ZNF37A: variants seen among roughly 807,000 people sequenced by gnomAD.
ZNF37A encodes the protein zinc finger protein 37a (KOX 21).
A neutral mutation model predicts 12.3 loss-of-function variants in ZNF37A; 10 were observed. The ratio of observed to expected loss-of-function variants is 0.82; its 90% CI spans 0.50 to 1.38. The LOEUF is 1.38. Among genes scored for constraint, ZNF37A ranks in the 40% most tolerant of loss-of-function variants. The pLI is 0.00. For synonymous variants in ZNF37A, 207 were observed against 223.0 expected, an observed-to-expected ratio of 0.93 and a Z score of 0.64; for missense variants, 580 against 651.2, an observed-to-expected ratio of 0.89 and a Z score of 1.19.
In ZNF37A at chr10:38,117,492, A is replaced by C. The variant is rs751489430; in HGVS notation, c.341A>C (p.Glu114Ala). ...GAAAAGCATGAAATAATTCATTCTG[A>C]AGAGGAACCTTCTGAATATAATAAA... ...CDEKHEIIHS[E>A]EEPSEYNKNG... The change falls in exon 8 of 8, where the codon GAA becomes GCA. Residue 114 changes from glutamate to alanine, a missense_variant. By Grantham distance (107) the Glu-to-Ala change is moderately radical (BLOSUM62 -1). Coordinates refer to ENST00000685332, the MANE Select transcript of ZNF37A (RefSeq NM_001324250.3). 4.3e-6 allele frequency: 7 copies of C among 1,613,018 alleles called. No homozygotes were observed. The highest frequency in any genetic ancestry group is 5.9e-6 in the Non-Finnish European group (7 of 1,179,764).
At chr10:38,142,788 C>T (rs2070201684) in intron 7 of ZNF37A, 2 of 152,188 alleles carry the variant, frequency 1.3e-5, no homozygotes, top group South Asian at 4.1e-4. Flanking sequence ...TGTCCACATT[C>T]TGCCATGTGA....
chr10:38,117,356 G>A lies in ZNF37A; in HGVS notation c.239-34G>A, dbSNP rs16905735. The stretch of plus-strand genomic sequence containing the variant: ...AAGTTTATTTCTCTTACATATCCTC[G>A]TCAACTAACCTTTCTTTTCACTCTG... On this transcript the variant is annotated intron_variant, in intron 7 of 7. Transcript: ENST00000685332. 2.5e-3 allele frequency: 3,813 copies of A among 1,531,776 alleles called. 79 individuals carry two copies. In the African/African-American group the frequency reaches 0.045, roughly 18 times the overall value. The allele number at this position is 1,531,776 out of a possible 1,614,324, so 94.9% of individuals were successfully genotyped here.
downstream of ZNF37A, among the ~76,000 whole-genome samples, chr10:38,128,108 G>T (rs2136072908): frequency 1.3e-5 from 2 of 152,142 alleles, no homozygotes; most frequent in South Asian, 4.2e-4. Flanking sequence ...ATTTGCTGTT[G>T]GAAACAAACT....
chr10:38,127,430 TAAAC>T (rs1452241429), downstream of ZNF37A, among the ~76,000 whole-genome samples: 2 of 152,226 alleles, frequency 1.3e-5, no homozygotes, highest in African/African-American at 4.8e-5. Context: ...TGAAAAATAG[TAAAC>T]AAAGGATGTA....
Position 38,121,583 on chromosome 10 carries a change from C to T in ZNF37A, c.*2746C>T, listed in dbSNP as rs2069701101. The stretch of plus-strand genomic sequence containing the variant: ...CAGCATTGTTGAGAGATTGGTAACA[C>T]TGAGCAAATAAATATGTTGAGAATG... On this transcript the variant is annotated 3_prime_UTR_variant, in exon 8 of 8. Coordinates refer to ENST00000685332, the MANE Select transcript of ZNF37A (RefSeq NM_001324250.3). The T allele has an allele frequency of 6.6e-6, 1 of 152,222 alleles. No individual in the cohort carries two copies. Among genetic ancestry groups the T allele is most frequent in the Non-Finnish European group, 1.5e-5 (1 of 68,040 alleles). 9.4% of individuals were successfully genotyped at this position (152,222 alleles called of 1,614,324 possible). A position where few individuals can be genotyped will look rare whatever the true frequency, so the allele number is the denominator to read the frequency against.
chr10:38,095,316 C>T (rs1486513825), intron 2 of ZNF37A, 92 bp downstream of exon 2: 1 of 152,348 alleles, frequency 6.6e-6, no homozygotes, highest in Non-Finnish European at 1.5e-5. Context: ...AGATCTAGAG[C>T]ACGGGTGGGA....
At chr10:38,128,865 T>C (rs2069967300), downstream of ZNF37A, among the ~76,000 whole-genome samples, 1 of 152,200 alleles carries the variant, frequency 6.6e-6, no homozygotes, top group Non-Finnish European at 1.5e-5. Context: ...GCGATTCTCC[T>C]GCCTCAGCCT....
chr10:38,115,962 T>A (rs1167728954), intron 7 of ZNF37A, among the ~76,000 whole-genome samples: 3 of 152,000 alleles, frequency 2.0e-5, no homozygotes, highest in Admixed American at 2.0e-4. Flanking sequence ...TGATCTCAGC[T>A]ACTGGGGAGC....
chr10:38,145,628 G>A (rs2070243051), intron 7 of ZNF37A, among the ~76,000 whole-genome samples: 1 of 152,140 alleles, frequency 6.6e-6, no homozygotes, highest in Admixed American at 6.5e-5. Context: ...TGGTTCATGG[G>A]TCACTGCGCA....
At chr10:38,111,160 AGGAT>A (rs1009824950) in intron 5 of ZNF37A, among the ~76,000 whole-genome samples, 25 of 152,346 alleles carry the variant, frequency 1.6e-4, no homozygotes, top group African/African-American at 6.0e-4. Context: ...GCCATAAAAA[AGGAT>A]GAGTTCATGT....
intron 7 of ZNF37A, among the ~76,000 whole-genome samples, chr10:38,116,036 C>T (rs2069245425): frequency 6.6e-6 from 1 of 152,048 alleles, no homozygotes; most frequent in Non-Finnish European, 1.5e-5. Flanking sequence ...TGCCATTGCA[C>T]TGCAGCCTGG....
In ZNF37A at chr10:38,118,768, T is replaced by G. The variant is rs368260611; in HGVS notation, c.1617T>G (p.Thr539=). Residue 539 remains threonine, a synonymous_variant, in exon 8 of 8, where the codon ACT becomes ACG. Transcript: ENST00000685332. ...GKSFYVKSKL[T]VHQRIHLGRN... ...CATTCTATGTTAAGTCAAAACTAACTGTACATCAGAGAATACACTTGGGGA... is the reference window on the plus strand; with the variant it reads ...CATTCTATGTTAAGTCAAAACTAACGGTACATCAGAGAATACACTTGGGGA... The G allele has an allele frequency of 1.1e-5, 17 of 1,611,826 alleles. No homozygotes were observed. The highest frequency in any genetic ancestry group is 1.7e-4 in the Middle Eastern group (1 of 6,056).
chr10:38,147,766 A>G (rs2070273112), exon 8 of ZNF37A: 1 of 152,244 alleles, frequency 6.6e-6, no homozygotes, highest in South Asian at 2.1e-4. Context: ...ACCCAAGAGA[A>G]AAAAAGAAAA....
At chr10:38,110,056 C>T (rs889803851) in intron 5 of ZNF37A, among the ~76,000 whole-genome samples, 3 of 152,146 alleles carry the variant, frequency 2.0e-5, no homozygotes, top group African/African-American at 7.2e-5. Context: ...GCCAAAAGAA[C>T]AAAGCTGGAG....
rs2069565750 is a variant in ZNF37A, at chr10:38,119,487, A to C, written c.*650A>C. The stretch of plus-strand genomic sequence containing the variant: ...AGAGAAAGTATTTTTAACTGTATCC[A>C]ATGTGTGGATGTTTTAAGTTAAAAT... On this transcript the variant is annotated 3_prime_UTR_variant, in exon 8 of 8. Transcript: ENST00000685332. 1.3e-6 allele frequency: 1 copy of C among 777,922 alleles called. No homozygotes were observed. Among genetic ancestry groups the C allele is most frequent in the Non-Finnish European group, 1.6e-6 (1 of 640,600 alleles). 48.2% of individuals were successfully genotyped at this position (777,922 alleles called of 1,614,324 possible).
rs371858573 is a variant in ZNF37A at position 38,122,247 on chromosome 10, GA to G, written c.*3421del. The G allele has an allele frequency of 0.011, 1,522 of 134,042 alleles. 13 individuals are homozygous for G. The highest frequency in any genetic ancestry group is 0.018 in the Non-Finnish European group (1,113 of 61,366). The allele number at this position is 134,042 out of a possible 1,614,324, so 8.3% of individuals were successfully genotyped here. A position where few individuals can be genotyped will look rare whatever the true frequency, so the allele number is the denominator to read the frequency against. On this transcript the variant is annotated 3_prime_UTR_variant, in exon 8 of 8. Coordinates refer to ENST00000685332, the MANE Select transcript of ZNF37A (RefSeq NM_001324250.3). ...AGTGAGACCCCATCTCAGGAAAAAA[GA>G]AAAAAAAAAAGATGTCATTCAGCAG...
At chr10:38,142,591 T>C (rs1487206314) in intron 7 of ZNF37A, 3 of 152,226 alleles carry the variant, frequency 2.0e-5, no homozygotes, top group Non-Finnish European at 4.4e-5. Flanking sequence ...TGAGCCAATG[T>C]ATAACATGAT....
intron 5 of ZNF37A, among the ~76,000 whole-genome samples, chr10:38,112,751 TTTTCTTTTCTTTTCTTTTC>T (rs2068854893): frequency 5.0e-4 from 24 of 48,474 alleles, no homozygotes; most frequent in African/African-American, 1.8e-3. Context: ...TTTTCTTTTC[TTTTCTTTTCTTTTCTTTTC>T]TTTTCTTTTC....
chr10:38,144,021 T>G (rs1163798863), intron 7 of ZNF37A: 1 of 152,150 alleles, frequency 6.6e-6, no homozygotes, highest in African/African-American at 2.4e-5. Flanking sequence ...TGAGCAGAGA[T>G]GGGGGAAAGA....
Sources: gnomAD v4.1 joint callset for allele counts (sites outside exome capture counted in the v4.1 genomes callset) on GRCh38, gnomAD v4.1.1 for gene constraint, MANE v1.5 for transcripts, NCBI Gene and HGNC (gene_info 2026-07-23, HGNC 2026-07-21) for gene names.